The following NHEJ1 variants were observed in gnomAD, a reference collection of about 807,000 sequenced individuals.
NHEJ1 encodes the protein non-homologous end-joining factor 1.
NHEJ1 carries 22 observed loss-of-function variants against 39.4 expected under a neutral mutation model. The ratio of observed to expected loss-of-function variants is 0.56; its 90% CI spans 0.40 to 0.80. NHEJ1 has a LOEUF of 0.80. Among genes scored for constraint, NHEJ1 ranks in the 30% least tolerant of loss-of-function variants. The pLI is 0.00. For synonymous variants in NHEJ1, 154 were observed against 135.6 expected, an observed-to-expected ratio of 1.14 and a Z score of -0.94; for missense variants, 329 against 357.1, an observed-to-expected ratio of 0.92 and a Z score of 0.63.
chr2:219,135,947 C>T (rs1169861553), intron 5 of NHEJ1, among the ~76,000 whole-genome samples: 1 of 152,150 alleles, frequency 6.6e-6, no homozygotes. Flanking sequence ...AGATATACAA[C>T]CCCCTGGAGC....
At chr2:219,092,293 CAAA>C (rs58005993) in intron 5 of NHEJ1, among the ~76,000 whole-genome samples, 2 of 111,964 alleles carry the variant, frequency 1.8e-5, no homozygotes, top group Non-Finnish European at 1.9e-5. Context: ...GACACTGCCT[CAAA>C]AAAAAAAAAA....
intron 5 of NHEJ1, among the ~76,000 whole-genome samples, chr2:219,141,408 G>C (rs72951802): frequency 6.6e-6 from 1 of 150,668 alleles, no homozygotes; most frequent in African/African-American, 2.5e-5. Flanking sequence ...GGGAGTGGGG[G>C]AAAAGGGAGA....
At chr2:219,142,532 GATAA>G (rs1408754962) in intron 5 of NHEJ1, among the ~76,000 whole-genome samples, 4 of 152,172 alleles carry the variant, frequency 2.6e-5, no homozygotes, top group Admixed American at 6.5e-5. Context: ...ATTACACTGG[GATAA>G]ATAAATAAAG....
intron 5 of NHEJ1, among the ~76,000 whole-genome samples, chr2:219,100,088 A>C (rs1949242867): frequency 6.6e-6 from 1 of 152,210 alleles, no homozygotes; most frequent in African/African-American, 2.4e-5. Context: ...GGTGGACATA[A>C]AGTAAGAATC....
At chr2:219,136,936 T>C (rs1169503353) in intron 5 of NHEJ1, among the ~76,000 whole-genome samples, 3 of 152,072 alleles carry the variant, frequency 2.0e-5, no homozygotes, top group East Asian at 1.9e-4. Context: ...TTCCTTTTTT[T>C]TCTCTCTCAA....
At chr2:219,126,611 C>G (rs557237444) in intron 5 of NHEJ1, among the ~76,000 whole-genome samples, 11 of 152,316 alleles carry the variant, frequency 7.2e-5, no homozygotes, top group African/African-American at 2.2e-4. Context: ...ATGGATCAGA[C>G]AAGTTAAACA....
At chr2:219,154,908 ATAT>A (rs1274314504) in intron 3 of NHEJ1, among the ~76,000 whole-genome samples, 21 of 147,200 alleles carry the variant, frequency 1.4e-4, no homozygotes, top group Admixed American at 8.2e-4. Flanking sequence ...ATACCATTAC[ATAT>A]TATATTAATA....
intron 5 of NHEJ1, among the ~76,000 whole-genome samples, chr2:219,132,972 C>T (rs1029848214): frequency 6.6e-6 from 1 of 152,170 alleles, no homozygotes; most frequent in African/African-American, 2.4e-5. Flanking sequence ...GTATCTTCAA[C>T]GGGCTTAATA....
At chr2:219,148,361 T>C (rs1949762391) in intron 3 of NHEJ1, among the ~76,000 whole-genome samples, 1 of 152,108 alleles carries the variant, frequency 6.6e-6, no homozygotes, top group Non-Finnish European at 1.5e-5. Flanking sequence ...AAGAGCAGCC[T>C]GACAAACATA....
intron 5 of NHEJ1, among the ~76,000 whole-genome samples, chr2:219,143,378 C>T (rs1949709007): frequency 6.6e-6 from 1 of 152,160 alleles, no homozygotes; most frequent in African/African-American, 2.4e-5. Flanking sequence ...ATTCTGAGGA[C>T]AGTGCAATGA....
intron 5 of NHEJ1, among the ~76,000 whole-genome samples, chr2:219,114,861 T>C (rs1051373257): frequency 6.6e-6 from 1 of 152,114 alleles, no homozygotes; most frequent in African/African-American, 2.4e-5. Context: ...AAGGAAACAT[T>C]GCTACCGGGT....
chr2:219,083,877 AT>A (rs1949088350), intron 5 of NHEJ1, among the ~76,000 whole-genome samples: 1 of 151,910 alleles, frequency 6.6e-6, no homozygotes, highest in Non-Finnish European at 1.5e-5. Flanking sequence ...CTGACTTAGG[AT>A]TTTTCTATTT....
chr2:219,087,563 G>T (rs777853057), intron 5 of NHEJ1, among the ~76,000 whole-genome samples: 1 of 152,050 alleles, frequency 6.6e-6, no homozygotes, highest in Non-Finnish European at 1.5e-5. Flanking sequence ...AGTTCTCATG[G>T]ACTCCCTGCC....
At chr2:219,143,947 T>C (rs1949712974) in intron 5 of NHEJ1, among the ~76,000 whole-genome samples, 1 of 152,176 alleles carries the variant, frequency 6.6e-6, no homozygotes, top group African/African-American at 2.4e-5. Flanking sequence ...ACGCCTGTAA[T>C]CTCAGCACTT....
In NHEJ1 at chr2:219,078,288, T is replaced by G. The variant is rs866510177; in HGVS notation, c.589-82A>C. 34 of 1,175,246 alleles carry G rather than the reference T, an allele frequency of 2.9e-5. No individual in the cohort carries two copies. The Middle Eastern group carries it at 5.8e-4, about 20-fold the overall frequency. The allele number at this position is 1,175,246 out of a possible 1,614,324, so 72.8% of individuals were successfully genotyped here. A position where few individuals can be genotyped will look rare whatever the true frequency, so the allele number is the denominator to read the frequency against. Reference sequence around the variant, plus strand: ...TAATACCCCACATGCAGAACCGGCATCAACCCCAAATGAATTAATATAAAG... The same window carrying G: ...TAATACCCCACATGCAGAACCGGCAGCAACCCCAAATGAATTAATATAAAG... On this transcript the variant is annotated intron_variant, in intron 5 of 7. Coordinates refer to ENST00000356853, the MANE Select transcript of NHEJ1 (RefSeq NM_024782.3).
intron 5 of NHEJ1, among the ~76,000 whole-genome samples, chr2:219,144,869 C>T (rs1461632592): frequency 6.6e-6 from 1 of 152,170 alleles, no homozygotes; most frequent in Non-Finnish European, 1.5e-5. Flanking sequence ...TAAGAAATCT[C>T]TCTTAGTCAC....
rs1243076481 is a variant in NHEJ1 at position 219,073,749 on chromosome 2, G to A, written c.*2632C>T. 6.6e-6 allele frequency among the ~76,000 whole-genome samples: 1 copy of A among 152,230 alleles called. No individual in the cohort carries two copies. Among genetic ancestry groups the A allele is most frequent in the Non-Finnish European group, 1.5e-5 (1 of 68,030 alleles). The stretch of plus-strand genomic sequence containing the variant: ...TCCCTTCTCCCACCAGCCAGCCCTG[G>A]CCCCAGCCCCAGCCCCGGGGAGCGG... On this transcript the variant is annotated 3_prime_UTR_variant, in exon 8 of 8. Coordinates refer to ENST00000356853, the MANE Select transcript of NHEJ1 (RefSeq NM_024782.3).
chr2:219,091,515 A>G (rs1357997817), intron 5 of NHEJ1, among the ~76,000 whole-genome samples: 1 of 152,018 alleles, frequency 6.6e-6, no homozygotes, highest in African/African-American at 2.4e-5. Flanking sequence ...ACTGAACTGG[A>G]AGTGCTGAGC....
In NHEJ1 at chr2:219,078,092, C is replaced by A. The variant is rs375778719; in HGVS notation, c.703G>T (p.Ala235Ser). 1.2e-6 allele frequency: 2 copies of A among 1,612,196 alleles called. No individual in the cohort carries two copies. The highest frequency in any genetic ancestry group is 4.5e-5 in the East Asian group (2 of 44,876). ...CGGGTACCTCTGGAGGGCTCACCAG[C>A]GCCTTGATGCTTCTGTCCCACTTGG... ...EVQVGQKHQG[A>S]GDPHTSNSAS... The change falls in exon 6 of 8, where the codon GCT (alanine) becomes TCT (serine). Residue 235 changes from alanine (A) to serine (S), a missense_variant. By Grantham distance (99) the Ala-to-Ser change is moderately conservative. Coordinates refer to ENST00000356853, the MANE Select transcript of NHEJ1 (RefSeq NM_024782.3).
Sources: gnomAD v4.1 joint callset for allele counts (sites outside exome capture counted in the v4.1 genomes callset) on GRCh38, gnomAD v4.1.1 for gene constraint, MANE v1.5 for transcripts, NCBI Gene and HGNC (gene_info 2026-07-23, HGNC 2026-07-21) for gene names.